The following TMEM178B variants were observed in gnomAD, a reference collection of about 807,000 sequenced individuals.
TMEM178B encodes the protein transmembrane protein 178B.
A neutral mutation model predicts 31.0 loss-of-function variants in TMEM178B; 5 were observed. The observed-to-expected ratio is 0.16, with a 90% confidence interval of 0.08 to 0.34. The LOEUF (loss-of-function observed/expected upper bound fraction) is 0.34, where lower values mean the gene tolerates loss of function less well. Among genes scored for constraint, TMEM178B ranks in the 10% least tolerant of loss-of-function variants. TMEM178B has a pLI of 1.00. For missense variants in TMEM178B, 275 were observed against 400.3 expected (o/e 0.69, Z 2.67); for synonymous variants, 164 against 164.0 (o/e 1.00, Z 0.00).
intron 2 of TMEM178B, among the ~76,000 whole-genome samples, chr7:141,429,421 C>G (rs1801382201): frequency 6.6e-6 from 1 of 152,104 alleles, no homozygotes; most frequent in African/African-American, 2.4e-5. Flanking sequence ...CTGGAGGACA[C>G]TATGCTAAGT....
chr7:141,440,436 A>G (rs1801636649), intron 3 of TMEM178B, among the ~76,000 whole-genome samples: 1 of 152,184 alleles, frequency 6.6e-6, no homozygotes, highest in African/African-American at 2.4e-5. Context: ...GAACTAGTGG[A>G]AGAGATGAAC....
intron 3 of TMEM178B, among the ~76,000 whole-genome samples, chr7:141,440,199 C>T (rs543794780): frequency 2.0e-5 from 3 of 152,344 alleles, no homozygotes; most frequent in Non-Finnish European, 2.9e-5. Context: ...AAGCACAGGG[C>T]TCTGGGGAAG....
chr7:141,224,466 C>T (rs727830), intron 2 of TMEM178B, among the ~76,000 whole-genome samples: 72,094 of 152,048 alleles, frequency 0.47, 17,884 homozygotes, highest in East Asian at 0.68. Context: ...CAGCCATTTT[C>T]GGGGTATAGG....
chr7:141,333,881 C>T (rs1373956848), intron 2 of TMEM178B, among the ~76,000 whole-genome samples: 1 of 152,318 alleles, frequency 6.6e-6, no homozygotes, highest in African/African-American at 2.4e-5. Context: ...ATAGGGTTTG[C>T]GCTCCTATGA....
At chr7:141,368,447 A>T (rs188686899) in intron 2 of TMEM178B, among the ~76,000 whole-genome samples, 2 of 152,322 alleles carry the variant, frequency 1.3e-5, no homozygotes, top group East Asian at 3.9e-4. Flanking sequence ...ATAAGTGTAC[A>T]CCTCATTGGA....
At chr7:141,289,434 G>A (rs192871288) in intron 2 of TMEM178B, among the ~76,000 whole-genome samples, 5 of 152,250 alleles carry the variant, frequency 3.3e-5, no homozygotes, top group Admixed American at 6.5e-5. Context: ...AGGAGAATGC[G>A]GCTGGGTGTG....
chr7:141,161,652 G>A (rs2129181669), intron 1 of TMEM178B, among the ~76,000 whole-genome samples: 1 of 152,306 alleles, frequency 6.6e-6, no homozygotes, highest in South Asian at 2.1e-4. Flanking sequence ...ACAGGTGGGA[G>A]GCAGTGCGGG....
chr7:141,096,893 G>A (rs1041722271), intron 1 of TMEM178B, among the ~76,000 whole-genome samples: 1 of 152,060 alleles, frequency 6.6e-6, no homozygotes, highest in Non-Finnish European at 1.5e-5. Flanking sequence ...TGTGAGACCA[G>A]CCTGGGCAAC....
intron 1 of TMEM178B, among the ~76,000 whole-genome samples, chr7:141,130,686 AAG>A (rs1194572992): frequency 6.6e-6 from 1 of 152,050 alleles, no homozygotes; most frequent in Non-Finnish European, 1.5e-5. Context: ...TTTTTCTTAT[AAG>A]AGAGGAGGGA....
rs753784881 is a variant in TMEM178B at position 141,111,069 on chromosome 7, C to T, written c.382+36377C>T. ...TCTTTTGTTATGCCAGTGTATTAGT[C>T]GGTTCTCATGCTGCTGTAAGGACAT... On this transcript the variant is annotated intron_variant, in intron 1 of 3. Coordinates refer to ENST00000565468, the MANE Select transcript of TMEM178B (RefSeq NM_001195278.2). Among the ~76,000 whole-genome samples, 26 of 152,200 alleles carry T rather than the reference C, an allele frequency of 1.7e-4. 1 individual carries two copies. The Middle Eastern group carries it at 0.027, about 159-fold the overall frequency.
At chr7:141,464,404 A>T (rs1395801429) in intron 3 of TMEM178B, among the ~76,000 whole-genome samples, 7 of 152,172 alleles carry the variant, frequency 4.6e-5, no homozygotes, top group Non-Finnish European at 8.8e-5. Flanking sequence ...GATTTTACAG[A>T]TCGGGGACCC....
intron 3 of TMEM178B, among the ~76,000 whole-genome samples, chr7:141,466,709 A>T (rs1802153444): frequency 6.6e-6 from 1 of 152,182 alleles, no homozygotes. Flanking sequence ...TCTGGCTCAG[A>T]ACTTTCTATC....
intron 1 of TMEM178B, among the ~76,000 whole-genome samples, chr7:141,128,495 G>A (rs1795541681): frequency 6.6e-6 from 1 of 151,556 alleles, no homozygotes; most frequent in African/African-American, 2.4e-5. Context: ...CAATGAACAA[G>A]CACATCAGGC....
intron 2 of TMEM178B, among the ~76,000 whole-genome samples, chr7:141,431,842 A>T (rs1801434700): frequency 6.6e-6 from 1 of 152,228 alleles, no homozygotes; most frequent in African/African-American, 2.4e-5. Flanking sequence ...CACAGTTAGC[A>T]ATCACAAAGA....
At chr7:141,170,605 G>A (rs1796332771) in intron 1 of TMEM178B, among the ~76,000 whole-genome samples, 1 of 152,172 alleles carries the variant, frequency 6.6e-6, no homozygotes, top group African/African-American at 2.4e-5. Context: ...GTAACTGATT[G>A]CCTCTCAAAT....
At chr7:141,256,521 G>T (rs1797931223) in intron 2 of TMEM178B, among the ~76,000 whole-genome samples, 1 of 152,196 alleles carries the variant, frequency 6.6e-6, no homozygotes, top group Non-Finnish European at 1.5e-5. Flanking sequence ...AAGGGGTAGG[G>T]TTGGGGGTGT....
At chr7:141,448,803 G>T (rs1801808549) in intron 3 of TMEM178B, among the ~76,000 whole-genome samples, 1 of 152,182 alleles carries the variant, frequency 6.6e-6, no homozygotes, top group Admixed American at 6.5e-5. Flanking sequence ...GACACCCTGA[G>T]GTCTCCTCCT....
the TMEM178B span, among the ~76,000 whole-genome samples, chr7:141,492,762 C>T: frequency 5.6e-4 from 86 of 152,346 alleles, no homozygotes; most frequent in African/African-American, 1.9e-3. Context: ...ACCCCCTCTT[C>T]CTGTTCTCAC....
At chr7:141,117,781 G>T (rs570427014) in intron 1 of TMEM178B, among the ~76,000 whole-genome samples, 4 of 152,260 alleles carry the variant, frequency 2.6e-5, no homozygotes, top group South Asian at 4.1e-4. Context: ...TTTCTCCATT[G>T]CTTGTTTTTG....
Sources: gnomAD v4.1 joint callset for allele counts (sites outside exome capture counted in the v4.1 genomes callset) on GRCh38, gnomAD v4.1.1 for gene constraint, MANE v1.5 for transcripts, NCBI Gene and HGNC (gene_info 2026-07-23, HGNC 2026-07-21) for gene names.